The following ANKRD23 variants were observed in gnomAD, a reference collection of about 807,000 sequenced individuals.
The protein encoded by ANKRD23 is ankyrin repeat domain 23.
A neutral mutation model predicts 38.1 loss-of-function variants in ANKRD23; 52 were observed. That is an observed-to-expected ratio of 1.36 (90% confidence interval 1.09 to 1.72). The LOEUF (loss-of-function observed/expected upper bound fraction) is 1.72, where lower values mean the gene tolerates loss of function less well. Among genes scored for constraint, ANKRD23 ranks in the 40% most tolerant of loss-of-function variants. ANKRD23 has a pLI of 0.00. For synonymous variants in ANKRD23, 167 were observed against 162.9 expected, an observed-to-expected ratio of 1.03 and a Z score of -0.19; for missense variants, 416 against 400.2, an observed-to-expected ratio of 1.04 and a Z score of -0.34.
At position 96,839,496 on chromosome 2, in the gene ANKRD23, C is replaced by T. The variant is rs2079732179; in HGVS notation, c.*53G>A. ...CAGAGGTGCAGACGCGGGGGCGGGG[C>T]ACAGGATGGAATGGTGGCAGTGCGA... On this transcript the variant is annotated 3_prime_UTR_variant, in exon 9 of 9. Coordinates refer to ENST00000318357, the MANE Select transcript of ANKRD23 (RefSeq NM_144994.8). The T allele has an allele frequency of 1.4e-6, 2 of 1,405,146 alleles. No homozygotes were observed. The highest frequency in any genetic ancestry group is 1.8e-6 in the Non-Finnish European group (2 of 1,085,462). The allele number at this position is 1,405,146 out of a possible 1,614,324, so 87.0% of individuals were successfully genotyped here.
chr2:96,842,049 C>G lies in ANKRD23; in HGVS notation c.300+11G>C. Reference sequence around the variant, plus strand: ...GTGTGTGCACTGCCCTAACCCCGACCTCCCACTCACCTTAACCAGGGGCTC... The same window carrying G: ...GTGTGTGCACTGCCCTAACCCCGACGTCCCACTCACCTTAACCAGGGGCTC... On this transcript the variant is annotated intron_variant, in intron 3 of 8. Transcript: ENST00000318357. 1 of 1,613,762 alleles carries G rather than the reference C, an allele frequency of 6.2e-7. No homozygotes were observed. Among genetic ancestry groups the G allele is most frequent in the Non-Finnish European group, 8.5e-7 (1 of 1,180,032 alleles).
In ANKRD23 at chr2:96,838,731, C is replaced by T. The variant is rs765065733; in HGVS notation, c.*818G>A. On this transcript the variant is annotated 3_prime_UTR_variant, in exon 9 of 9. Coordinates refer to ENST00000318357, the MANE Select transcript of ANKRD23 (RefSeq NM_144994.8). ...TGCCCAGGCGCTTCCCCATGAGAGC[C>T]GCCAGCAGGCAACGGTGTGCCAGGC... 1.8e-4 allele frequency: 177 copies of T among 985,522 alleles called. No homozygotes were observed. Among genetic ancestry groups the T allele is most frequent in the Non-Finnish European group, 2.1e-4 (171 of 830,082 alleles). The allele number at this position is 985,522 out of a possible 1,614,324, so 61.0% of individuals were successfully genotyped here. A position where few individuals can be genotyped will look rare whatever the true frequency, so the allele number is the denominator to read the frequency against.
rs1477645185 is a variant in ANKRD23, at chr2:96,839,772, C to T, written c.777G>A (p.Met259Ile). 1 of 1,613,572 alleles carries T rather than the reference C, an allele frequency of 6.2e-7. No homozygotes were observed. The highest frequency in any genetic ancestry group is 1.7e-5 in the Admixed American group (1 of 60,034). Residue 259 changes from methionine to isoleucine, a missense_variant, in exon 8 of 9, where the codon ATG becomes ATA. By Grantham distance (10) the Met-to-Ile change is conservative. Coordinates refer to ENST00000318357, the MANE Select transcript of ANKRD23 (RefSeq NM_144994.8). ...EAVRHGSYKA[M>I]KLLLLYGAEL... ...CGGCCCCATAGAGCAGCAGTAGCTT[C>T]ATGGCTTTGTAGCTGCCGTGCCGCA...
intron 1 of ANKRD23, 104 bp downstream of exon 1, chr2:96,843,862 A>T: frequency 8.7e-7 from 1 of 1,149,420 alleles, no homozygotes. Flanking sequence ...TGCACCTAAG[A>T]CTTGACCCTC....
rs762693200 is a variant in ANKRD23 at position 96,842,116 on chromosome 2, G to A, written c.244C>T (p.Arg82Trp). 4.5e-5 allele frequency: 73 copies of A among 1,614,038 alleles called. 1 individual carries two copies. The highest frequency in any genetic ancestry group is 1.2e-4 in the Admixed American group (7 of 60,008). The part of the protein sequence containing the change: ...LADLENLVQR[R>W]KKRLRHRVPP... ...ACTCTGTGTCTCAGTCGCTTTTTCCGTCTTTGAACCAAGTTTTCCAAGTCA... is the reference window on the plus strand; with the variant it reads ...ACTCTGTGTCTCAGTCGCTTTTTCCATCTTTGAACCAAGTTTTCCAAGTCA... The change falls in exon 3 of 9, where the codon CGG becomes TGG. Residue 82 changes from arginine (R) to tryptophan (W), a missense_variant. Transcript: ENST00000318357.
intron 7 of ANKRD23, 56 bp downstream of exon 7, chr2:96,839,941 C>CA (rs2079739685): frequency 6.5e-7 from 1 of 1,549,932 alleles, no homozygotes; most frequent in South Asian, 1.2e-5. Context: ...TGGGGCTCCT[C>CA]AGTCCCTGCT....
intron 3 of ANKRD23, 66 bp from the exon 4 acceptor site, chr2:96,840,978 T>C: frequency 6.3e-7 from 1 of 1,586,920 alleles, no homozygotes. Flanking sequence ...TGTCACAGCT[T>C]CACCAGTCTG....
chr2:96,838,999 C>CA lies in ANKRD23; in HGVS notation c.*549dup. 3.0e-6 allele frequency: 3 copies of CA among 985,934 alleles called. No homozygotes were observed. The highest frequency in any genetic ancestry group is 3.6e-6 in the Non-Finnish European group (3 of 830,314). 61.1% of individuals were successfully genotyped at this position (985,934 alleles called of 1,614,324 possible). A position where few individuals can be genotyped will look rare whatever the true frequency, so the allele number is the denominator to read the frequency against. Reference sequence around the variant, plus strand: ...TTGCTACTGACAGGAATGGGGTCCCCAGAGAAAGCCATGCCCACAGGCATC... The same window carrying CA: ...TTGCTACTGACAGGAATGGGGTCCCCAAGAGAAAGCCATGCCCACAGGCATC... On this transcript the variant is annotated 3_prime_UTR_variant, in exon 9 of 9. Transcript: ENST00000318357.
Position 96,838,408 on chromosome 2 carries a change from C to T in ANKRD23, c.*1141G>A, listed in dbSNP as rs531684963. ...ACCAGTGTAATTTGAAACGTACAGA[C>T]GGTGGAAGAGGAAGTCTAGGGAGCT... On this transcript the variant is annotated 3_prime_UTR_variant, in exon 9 of 9. Coordinates refer to ENST00000318357, the MANE Select transcript of ANKRD23 (RefSeq NM_144994.8). 82 of 988,096 alleles carry T rather than the reference C, an allele frequency of 8.3e-5. No individual in the cohort carries two copies. Among genetic ancestry groups the T allele is most frequent in the African/African-American group, 3.0e-4 (17 of 57,386 alleles). 61.2% of individuals were successfully genotyped at this position (988,096 alleles called of 1,614,324 possible).
rs114122128 is a variant in ANKRD23, at chr2:96,840,473, G to A, written c.468C>T (p.His156=). ...TALHWACLKG[H]SQLVNKLLVA... is the part of the protein sequence containing the mutation. ...CCAGCAGCTTGTTCACCAGCTGGCT[G>A]TGACCCTTCAGACAGGCCCAGTGCA... is the stretch of plus-strand genomic sequence containing the variant. The change falls in exon 5 of 9, where the codon CAC becomes CAT. Residue 156 remains histidine, a synonymous_variant. Transcript: ENST00000318357. The A allele has an allele frequency of 3.1e-4, 495 of 1,614,108 alleles. 1 individual carries two copies. The African/African-American group carries it at 5.7e-3, about 19-fold the overall frequency.
intron 4 of ANKRD23, 116 bp from the exon 5 acceptor site, chr2:96,840,630 G>GA (rs894840383): frequency 1.9e-5 from 28 of 1,508,758 alleles, no homozygotes; most frequent in African/African-American, 2.8e-5. Context: ...CCCACCACGC[G>GA]ATGGGCCGCT....
Position 96,838,758 on chromosome 2 carries a change from G to A in ANKRD23, c.*791C>T, listed in dbSNP as rs2079721900. 8 of 985,498 alleles carry A rather than the reference G, an allele frequency of 8.1e-6. No individual in the cohort carries two copies. The highest frequency in any genetic ancestry group is 5.2e-5 in the African/African-American group (3 of 57,246). The allele number at this position is 985,498 out of a possible 1,614,324, so 61.0% of individuals were successfully genotyped here. ...CCAGCAGGCAACGGTGTGCCAGGCC[G>A]GCCTGAGCGGGGCCAGTACACAGTG... is the stretch of plus-strand genomic sequence containing the variant. On this transcript the variant is annotated 3_prime_UTR_variant, in exon 9 of 9. Transcript: ENST00000318357.
Position 96,842,143 on chromosome 2 carries a change from C to G in ANKRD23, c.217G>C (p.Ala73Pro), listed in dbSNP as rs920969428. 1.9e-6 allele frequency: 3 copies of G among 1,614,082 alleles called. No individual in the cohort carries two copies. The highest frequency in any genetic ancestry group is 1.7e-6 in the Non-Finnish European group (2 of 1,180,058). ...CTTTGAACCAAGTTTTCCAAGTCAG[C>G]CAGGTTATCCAGATTAAATCTGGTA... is the stretch of plus-strand genomic sequence containing the variant. The part of the protein sequence containing the change: ...NSTRFNLDNL[A>P]DLENLVQRRK... Residue 73 changes from alanine (A) to proline (P), a missense_variant, in exon 3 of 9, where the codon GCT becomes CCT. Transcript: ENST00000318357.
Position 96,839,760 on chromosome 2 carries a change from C to T in ANKRD23, c.789G>A (p.Leu263=), listed in dbSNP as rs765555617. 3 of 1,613,534 alleles carry T rather than the reference C, an allele frequency of 1.9e-6. No individual in the cohort carries two copies. In the South Asian group the frequency reaches 3.3e-5, roughly 18 times the overall value. ...HGSYKAMKLL[L]LYGAELGVRN... is the part of the protein sequence containing the mutation. Reference sequence around the variant, plus strand: ...GCACCCCCAGCTCGGCCCCATAGAGCAGCAGTAGCTTCATGGCTTTGTAGC... The same window carrying T: ...GCACCCCCAGCTCGGCCCCATAGAGTAGCAGTAGCTTCATGGCTTTGTAGC... The change falls in exon 8 of 9, where the codon CTG becomes CTA. Residue 263 remains leucine, a synonymous_variant. Transcript: ENST00000318357.
rs778963947 is a variant in ANKRD23 at position 96,842,524 on chromosome 2, G to A, written c.28-13C>T. On this transcript the variant is annotated splice_polypyrimidine_tract_variant and intron_variant, in intron 1 of 8. Coordinates refer to ENST00000318357, the MANE Select transcript of ANKRD23 (RefSeq NM_144994.8). ...TTTCTCCACTTACCTGTAGGAACAG[G>A]ATATGAGTACTGAGTTGGGAAAATT... is the stretch of plus-strand genomic sequence containing the variant. 1 of 1,609,868 alleles carries A rather than the reference G, an allele frequency of 6.2e-7. No individual in the cohort carries two copies. The highest frequency in any genetic ancestry group is 8.5e-7 in the Non-Finnish European group (1 of 1,178,558).
Position 96,843,859 on chromosome 2 carries a change from A to T in ANKRD23, c.27+107T>A, listed in dbSNP as rs1290373944. On this transcript the variant is annotated intron_variant, in intron 1 of 8. Coordinates refer to ENST00000318357, the MANE Select transcript of ANKRD23 (RefSeq NM_144994.8). ...AAGAACTGCATGCTTCCCTGCACCT[A>T]AGACTTGACCCTCACACCACAGAAA... 8.9e-6 allele frequency: 10 copies of T among 1,124,386 alleles called. No individual in the cohort carries two copies. In the African/African-American group the frequency reaches 1.4e-4, roughly 16 times the overall value. 69.7% of individuals were successfully genotyped at this position (1,124,386 alleles called of 1,614,324 possible). A position where few individuals can be genotyped will look rare whatever the true frequency, so the allele number is the denominator to read the frequency against.
At chr2:96,841,598 CAAAAAAAAAA>C (rs564581027) in intron 3 of ANKRD23, among the ~76,000 whole-genome samples, 249 of 36,098 alleles carry the variant, frequency 6.9e-3, no homozygotes, top group Middle Eastern at 0.032. Flanking sequence ...GACTCCGTCT[CAAAAAAAAAA>C]AAAAAAAAAA....
At position 96,839,779 on chromosome 2, in the gene ANKRD23, TTG is replaced by T. The variant is rs1299936868; in HGVS notation, c.768_769del (p.Tyr256Ter). On this transcript the variant is annotated stop_gained and frameshift_variant, in exon 8 of 9. Transcript: ENST00000318357. LOFTEE classifies it high-confidence loss of function. ...ATAGAGCAGCAGTAGCTTCATGGCT[TTG>T]TAGCTGCCGTGCCGCACGGCCTCGT... The T allele has an allele frequency of 1.2e-6, 2 of 1,613,362 alleles. No individual in the cohort carries two copies. The highest frequency in any genetic ancestry group is 1.7e-6 in the Non-Finnish European group (2 of 1,179,970).
Position 96,844,013 on chromosome 2 carries a change from C to T in ANKRD23, c.-21G>A, listed in dbSNP as rs150884357. On this transcript the variant is annotated 5_prime_UTR_variant, in exon 1 of 9. The change creates a new upstream start codon in the 5' untranslated region. Transcript: ENST00000318357. ...TCCATGGTCCCCCCTGTTCCTCACA[C>T]CCCCCAGTGAGAAGAGCTGAACTGC... is the stretch of plus-strand genomic sequence containing the variant. 1.3e-5 allele frequency: 20 copies of T among 1,589,298 alleles called. No homozygotes were observed. The highest frequency in any genetic ancestry group is 1.7e-5 in the Non-Finnish European group (20 of 1,168,212).
Sources: gnomAD v4.1 joint callset for allele counts (sites outside exome capture counted in the v4.1 genomes callset) on GRCh38, gnomAD v4.1.1 for gene constraint, MANE v1.5 for transcripts, NCBI Gene and HGNC (gene_info 2026-07-23, HGNC 2026-07-21) for gene names.